Variants in BLTP1 observed in about 807,000 individuals in gnomAD.
The protein encoded by BLTP1 is fragile site-associated protein.
At chr4:122,336,416 T>A in the BLTP1 span, 1 of 1,108,808 alleles carries the variant, frequency 9.0e-7, no homozygotes, top group Non-Finnish European at 1.3e-6. Context: ...ATATAGAAGG[T>A]TTTCTTAATG....
chr4:122,358,434 G>A, the BLTP1 span, among the ~76,000 whole-genome samples: 1 of 152,200 alleles, frequency 6.6e-6, no homozygotes, highest in Non-Finnish European at 1.5e-5. Context: ...ATATGTATGT[G>A]AGGATTTCAA....
At chr4:122,266,739 G>A in the BLTP1 span, 3 of 1,465,222 alleles carry the variant, frequency 2.0e-6, no homozygotes, top group East Asian at 5.1e-5. Flanking sequence ...TACAGTAAAT[G>A]ATAAGCTGTA....
At chr4:122,289,825 C>G in the BLTP1 span, 1 of 975,824 alleles carries the variant, frequency 1.0e-6, no homozygotes, top group African/African-American at 1.7e-5. Flanking sequence ...ATTCATTTAA[C>G]AAATTTATGA....
the BLTP1 span, among the ~76,000 whole-genome samples, chr4:122,248,491 A>T: frequency 6.6e-6 from 1 of 152,030 alleles, no homozygotes; most frequent in Non-Finnish European, 1.5e-5. Flanking sequence ...TTACCCTTAT[A>T]GGGAGGGGAA....
chr4:122,249,688 C>T, the BLTP1 span: 1 of 1,613,238 alleles, frequency 6.2e-7, no homozygotes. Flanking sequence ...AAAAGGCAAG[C>T]ATTTTTTATT....
the BLTP1 span, chr4:122,183,291 G>A: frequency 3.0e-6 from 2 of 669,932 alleles, no homozygotes; most frequent in Non-Finnish European, 3.7e-6. Flanking sequence ...AGCCATGGTT[G>A]CACCACTGCA....
the BLTP1 span, among the ~76,000 whole-genome samples, chr4:122,329,830 T>C: frequency 4.3e-3 from 646 of 151,916 alleles, 2 homozygotes; most frequent in African/African-American, 0.014. Flanking sequence ...CTAGAACTTA[T>C]TAATCTTGCG....
At chr4:122,246,424 T>G in the BLTP1 span, 1 of 1,084,404 alleles carries the variant, frequency 9.2e-7, no homozygotes, top group South Asian at 2.1e-5. Context: ...TATGTTTTAT[T>G]TCTATGATCT....
chr4:122,186,808 T>A, the BLTP1 span, among the ~76,000 whole-genome samples: 1 of 152,088 alleles, frequency 6.6e-6, no homozygotes, highest in Non-Finnish European at 1.5e-5. Context: ...AGAGTTTTAT[T>A]GGGACATAGC....
chr4:122,335,579 C>G, the BLTP1 span, among the ~76,000 whole-genome samples: 1 of 152,126 alleles, frequency 6.6e-6, no homozygotes, highest in Non-Finnish European at 1.5e-5. Context: ...CAAGGCACAT[C>G]TGTGTCCATT....
the BLTP1 span, chr4:122,271,071 G>C: frequency 6.2e-7 from 1 of 1,613,588 alleles, no homozygotes; most frequent in Non-Finnish European, 8.5e-7. Flanking sequence ...TTAATGTTGG[G>C]AACCTTTAGC....
the BLTP1 span, among the ~76,000 whole-genome samples, chr4:122,256,358 A>T: frequency 6.3e-3 from 952 of 152,270 alleles, 9 homozygotes; most frequent in African/African-American, 0.022. Flanking sequence ...TAGGTAGAGA[A>T]GCTTGAACAG....
the BLTP1 span, chr4:122,175,720 A>T: frequency 3.2e-6 from 2 of 617,910 alleles, no homozygotes. Context: ...GTGTTTATGT[A>T]TGCCAATGTT....
the BLTP1 span, chr4:122,175,936 G>C: frequency 8.5e-6 from 9 of 1,064,812 alleles, no homozygotes; most frequent in Non-Finnish European, 5.8e-6. Flanking sequence ...TTTTTTATGT[G>C]TTTAAAATGT....
At chr4:122,233,581 A>G in the BLTP1 span, among the ~76,000 whole-genome samples, 1 of 152,236 alleles carries the variant, frequency 6.6e-6, no homozygotes, top group East Asian at 1.9e-4. Context: ...TTTAAAATAC[A>G]GAAGTGATTT....
the BLTP1 span, among the ~76,000 whole-genome samples, chr4:122,338,219 C>T: frequency 6.6e-6 from 1 of 151,696 alleles, no homozygotes; most frequent in Non-Finnish European, 1.5e-5. Context: ...GAGGCTGAGG[C>T]GGGTAGATCA....
At chr4:122,187,031 G>C in the BLTP1 span, 1 of 985,080 alleles carries the variant, frequency 1.0e-6, no homozygotes, top group Non-Finnish European at 1.2e-6. Context: ...TAAAACAGTA[G>C]ACAAACATCA....
chr4:122,232,033 A>G, the BLTP1 span: 1 of 982,346 alleles, frequency 1.0e-6, no homozygotes, highest in Non-Finnish European at 1.2e-6. Context: ...CCTGTCTTTG[A>G]TTAGGTTAGG....
At chr4:122,255,019 T>G in the BLTP1 span, 1 of 1,498,958 alleles carries the variant, frequency 6.7e-7, no homozygotes, top group Non-Finnish European at 9.1e-7. Context: ...CCCTTATTGT[T>G]AATCATTATT....
Sources: allele counts gnomAD v4.1 joint callset (sites outside exome capture counted in the v4.1 genomes callset), GRCh38; gene constraint gnomAD v4.1.1; transcripts MANE v1.5; gene names NCBI Gene and HGNC (gene_info 2026-07-23, HGNC 2026-07-21).